The following FAM13A variants were observed in gnomAD, a reference collection of about 807,000 sequenced individuals.
FAM13A encodes the protein protein FAM13A.
In FAM13A, 76 loss-of-function variants were observed where a neutral mutation model predicts 129.6. The ratio of observed to expected loss-of-function variants is 0.59; its 90% CI spans 0.49 to 0.71. The LOEUF (loss-of-function observed/expected upper bound fraction) is 0.71. Among genes scored for constraint, FAM13A ranks in the 30% least tolerant of loss-of-function variants. The probability of loss-of-function intolerance (pLI) is 0.00; values close to 1 mark genes in which losing one functional copy is unlikely to be tolerated. For synonymous variants in FAM13A, 443 were observed against 449.9 expected (o/e 0.98, Z 0.20); for missense variants, 1,108 against 1,249.3 (o/e 0.89, Z 1.70).
At chr4:88,750,908 AG>A (rs1246182083) in intron 14 of FAM13A, among the ~76,000 whole-genome samples, 2 of 152,196 alleles carry the variant, frequency 1.3e-5, no homozygotes, top group African/African-American at 4.8e-5. Flanking sequence ...GCAGCCTTGA[AG>A]GGGGGAAGCC....
intron 13 of FAM13A, among the ~76,000 whole-genome samples, chr4:88,765,220 C>A (rs1302516733): frequency 1.3e-5 from 2 of 152,160 alleles, no homozygotes; most frequent in African/African-American, 4.8e-5. Flanking sequence ...AAAAAAATCA[C>A]CTTTCCCCAA....
At chr4:88,884,795 A>G (rs1744140500) in intron 6 of FAM13A, among the ~76,000 whole-genome samples, 2 of 152,348 alleles carry the variant, frequency 1.3e-5, no homozygotes, top group Middle Eastern at 6.8e-3. Context: ...TGAATTCAGC[A>G]AAGTTTCAGG....
chr4:88,855,488 A>T (rs1212161299), intron 6 of FAM13A: 5 of 152,182 alleles, frequency 3.3e-5, no homozygotes, highest in Non-Finnish European at 7.4e-5. Context: ...CAAAGTTTTA[A>T]ATAAGATAGT....
intron 6 of FAM13A, among the ~76,000 whole-genome samples, chr4:88,896,453 G>A (rs1420656697): frequency 6.6e-6 from 1 of 152,022 alleles, no homozygotes; most frequent in Non-Finnish European, 1.5e-5. Context: ...TGTTTATTAA[G>A]TTATTTTAGG....
intron 6 of FAM13A, among the ~76,000 whole-genome samples, chr4:88,874,552 A>T (rs1742033168): frequency 6.6e-6 from 1 of 152,218 alleles, no homozygotes; most frequent in Non-Finnish European, 1.5e-5. Flanking sequence ...TGCTTCAAAG[A>T]GAATAAAATA....
chr4:88,934,212 C>G (rs1753495138), intron 5 of FAM13A, among the ~76,000 whole-genome samples: 1 of 152,280 alleles, frequency 6.6e-6, no homozygotes, highest in East Asian at 1.9e-4. Flanking sequence ...TTCTGCCTTT[C>G]CCTGCTTTAT....
intron 1 of FAM13A, among the ~76,000 whole-genome samples, chr4:89,033,743 A>G (rs1560891051): frequency 6.6e-6 from 1 of 152,208 alleles, no homozygotes; most frequent in African/African-American, 2.4e-5. Context: ...AGTTTTTACA[A>G]TAGCTAACAC....
At chr4:89,048,761 T>C (rs536765563) in intron 1 of FAM13A, among the ~76,000 whole-genome samples, 8 of 152,286 alleles carry the variant, frequency 5.3e-5, no homozygotes, top group African/African-American at 1.9e-4. Flanking sequence ...CTAGATGAAA[T>C]AGATAACTTT....
chr4:88,974,450 A>G (rs1452915525), intron 4 of FAM13A, among the ~76,000 whole-genome samples: 1 of 152,104 alleles, frequency 6.6e-6, no homozygotes, highest in East Asian at 1.9e-4. Flanking sequence ...ATGCTAGACC[A>G]GGAACCAAAA....
intron 4 of FAM13A, among the ~76,000 whole-genome samples, chr4:88,954,830 G>C (rs1757493222): frequency 1.3e-5 from 2 of 151,036 alleles, no homozygotes; most frequent in African/African-American, 4.9e-5. Flanking sequence ...AGGTTGCAGT[G>C]AGCAGAGATT....
rs570735573 is a variant in FAM13A, at chr4:88,921,812, C to T, written c.760-15350G>A. ...TGCTGTATTCAGGAAACCCATCTCA[C>T]GTGCAGAGACAAACATAGGCTCAAA... is the stretch of plus-strand genomic sequence containing the variant. On this transcript the variant is annotated intron_variant, in intron 5 of 23. Coordinates refer to ENST00000264344, the MANE Select transcript of FAM13A (RefSeq NM_014883.4). 2.7e-3 allele frequency among the ~76,000 whole-genome samples: 404 copies of T among 152,136 alleles called. 2 individuals carry two copies. The highest frequency in any genetic ancestry group is 0.017 in the East Asian group (88 of 5,188).
intron 6 of FAM13A, 94 bp from the exon 7 acceptor site, chr4:88,851,277 T>G: frequency 8.3e-7 from 1 of 1,199,504 alleles, no homozygotes; most frequent in South Asian, 1.7e-5. Flanking sequence ...TATTCCAATT[T>G]TGCAATAATC....
intron 4 of FAM13A, among the ~76,000 whole-genome samples, chr4:88,984,016 T>A (rs371639603): frequency 9.9e-5 from 15 of 152,194 alleles, no homozygotes; most frequent in African/African-American, 3.6e-4. Flanking sequence ...TGTGGTCAAC[T>A]TATTTTTGAC....
intron 4 of FAM13A, among the ~76,000 whole-genome samples, chr4:88,947,539 G>A (rs1246615664): frequency 6.6e-6 from 1 of 152,152 alleles, no homozygotes; most frequent in Non-Finnish European, 1.5e-5. Flanking sequence ...AAACAGGCCA[G>A]TTTCAATTGG....
chr4:88,817,872 T>C (rs1731086304), intron 7 of FAM13A, among the ~76,000 whole-genome samples: 1 of 152,244 alleles, frequency 6.6e-6, no homozygotes, highest in African/African-American at 2.4e-5. Flanking sequence ...GAATTGAAAC[T>C]GTATTGCAAG....
chr4:88,959,964 A>C (rs1048177599), intron 4 of FAM13A, among the ~76,000 whole-genome samples: 7 of 152,176 alleles, frequency 4.6e-5, no homozygotes, highest in African/African-American at 1.7e-4. Context: ...CCCTTCCATT[A>C]TACACAGTAG....
intron 6 of FAM13A, among the ~76,000 whole-genome samples, chr4:88,873,744 C>G (rs959835118): frequency 1.3e-5 from 2 of 152,090 alleles, no homozygotes; most frequent in African/African-American, 2.4e-5. Flanking sequence ...CCTTCTGAAA[C>G]TATTCCAATA....
chr4:88,881,468 T>C (rs749354466), intron 6 of FAM13A, among the ~76,000 whole-genome samples: 2 of 152,104 alleles, frequency 1.3e-5, no homozygotes, highest in African/African-American at 2.4e-5. Context: ...GAAAAAAGCA[T>C]ATAAACAGCT....
intron 1 of FAM13A, among the ~76,000 whole-genome samples, chr4:89,038,113 T>C (rs2149150111): frequency 1.3e-5 from 2 of 152,354 alleles, no homozygotes; most frequent in Middle Eastern, 6.8e-3. Flanking sequence ...TGCCAGAACC[T>C]TTAATATTGG....
Sources: gnomAD v4.1 joint callset for allele counts (sites outside exome capture counted in the v4.1 genomes callset) on GRCh38, gnomAD v4.1.1 for gene constraint, MANE v1.5 for transcripts, NCBI Gene and HGNC (gene_info 2026-07-23, HGNC 2026-07-21) for gene names.